Variants in CHD1L observed in about 807,000 individuals in gnomAD.
The protein encoded by CHD1L is chromodomain helicase DNA binding protein 1 like, also known as ATP-dependent chromatin remodeler CHD1L.
CHD1L carries 118 observed loss-of-function variants against 115.9 expected under a neutral mutation model. The ratio of observed to expected loss-of-function variants is 1.02; its 90% CI spans 0.88 to 1.19. The LOEUF (loss-of-function observed/expected upper bound fraction) is 1.19, where lower values mean the gene tolerates loss of function less well. Among genes scored for constraint, CHD1L ranks in the 50% most tolerant of loss-of-function variants. The pLI, the probability that CHD1L is intolerant of heterozygous loss-of-function variation, is 0.00. For missense variants in CHD1L, 1,179 were observed against 1,065.3 expected (o/e 1.11, Z -1.49); for synonymous variants, 411 against 387.1 (o/e 1.06, Z -0.72).
intron 2 of CHD1L, 31 bp downstream of exon 2, chr1:147,252,766 C>A: frequency 2.7e-6 from 4 of 1,500,816 alleles, no homozygotes; most frequent in Non-Finnish European, 3.7e-6. Flanking sequence ...TACTGCTCAC[C>A]GCCACTGCGA....
chr1:147,196,217 G>A, the CHD1L span, among the ~76,000 whole-genome samples: 1 of 152,084 alleles, frequency 6.6e-6, no homozygotes, highest in South Asian at 2.1e-4. Context: ...GAACTCAGAA[G>A]TTCATCACTC....
chr1:147,255,019 TAA>T lies in CHD1L; in HGVS notation c.347+44_347+45del, dbSNP rs782812153. ...CTGAAATTTTATTGTTTATCTTGAT[TAA>T]GATTTTTTTTCTGGATGATGTATAA... On this transcript the variant is annotated intron_variant, in intron 3 of 22. Coordinates refer to ENST00000369258, the MANE Select transcript of CHD1L (RefSeq NM_004284.6). The T allele has an allele frequency of 2.8e-6, 4 of 1,407,156 alleles. No homozygotes were observed. In the Admixed American group the frequency reaches 9.5e-5, roughly 33 times the overall value. 87.2% of individuals were successfully genotyped at this position (1,407,156 alleles called of 1,614,324 possible). A position where few individuals can be genotyped will look rare whatever the true frequency, so the allele number is the denominator to read the frequency against.
At chr1:147,288,202 G>A (rs1026456108) in intron 19 of CHD1L, among the ~76,000 whole-genome samples, 18 of 151,600 alleles carry the variant, frequency 1.2e-4, no homozygotes, top group South Asian at 8.3e-4. Flanking sequence ...GTGCATGCCC[G>A]TAGTTCCAGC....
chr1:147,266,675 C>T (rs956558091), intron 8 of CHD1L, among the ~76,000 whole-genome samples: 2 of 152,044 alleles, frequency 1.3e-5, no homozygotes, highest in Non-Finnish European at 1.5e-5. Context: ...TTAAAAATGG[C>T]CCCAAAGCAC....
chr1:147,202,006 A>C, the CHD1L span, among the ~76,000 whole-genome samples: 1 of 152,320 alleles, frequency 6.6e-6, no homozygotes, highest in African/African-American at 2.4e-5. Flanking sequence ...GACTCTCACA[A>C]AACTCTATGA....
chr1:147,241,008 GTC>G (rs1664816426), upstream of CHD1L, among the ~76,000 whole-genome samples: 2 of 150,854 alleles, frequency 1.3e-5, no homozygotes, highest in South Asian at 4.2e-4. Context: ...TTTTTCTTAA[GTC>G]TCTCATTCCA....
At chr1:147,281,574 G>T (rs920378342) in intron 15 of CHD1L, among the ~76,000 whole-genome samples, 1 of 152,010 alleles carries the variant, frequency 6.6e-6, no homozygotes, top group African/African-American at 2.4e-5. Flanking sequence ...TTTTATCTTC[G>T]AAATTCTTTA....
the CHD1L span, among the ~76,000 whole-genome samples, chr1:147,206,461 C>T: frequency 1.3e-5 from 2 of 152,164 alleles, no homozygotes; most frequent in African/African-American, 4.8e-5. Flanking sequence ...GACACATGCA[C>T]ACGTATGTTT....
the CHD1L span, among the ~76,000 whole-genome samples, chr1:147,191,974 G>C: frequency 6.6e-6 from 1 of 152,040 alleles, no homozygotes; most frequent in African/African-American, 2.4e-5. Context: ...TTTTGGCTTA[G>C]GATTGACTTG....
intron 15 of CHD1L, among the ~76,000 whole-genome samples, chr1:147,283,770 G>T (rs1553963434): frequency 1.3e-5 from 2 of 152,102 alleles, no homozygotes; most frequent in African/African-American, 4.8e-5. Context: ...AGAAAATCCT[G>T]CCTCTTCCAG....
At chr1:147,259,680 A>T (rs1224743644) in intron 5 of CHD1L, 157 bp from the exon 6 acceptor site, 1 of 642,740 alleles carries the variant, frequency 1.6e-6, no homozygotes, top group Non-Finnish European at 2.8e-6. Flanking sequence ...TATTATGCAC[A>T]TGTAGCCTCT....
chr1:147,251,275 A>G (rs1668311608), intron 1 of CHD1L, among the ~76,000 whole-genome samples: 2 of 152,114 alleles, frequency 1.3e-5, no homozygotes, highest in African/African-American at 4.8e-5. Context: ...ATTCCAGGGA[A>G]CTTACTACCC....
intron 1 of CHD1L, among the ~76,000 whole-genome samples, chr1:147,247,606 C>T (rs1402362987): frequency 6.6e-6 from 1 of 152,168 alleles, no homozygotes; most frequent in Non-Finnish European, 1.5e-5. Context: ...AAATAAACCT[C>T]TTTTTATTTT....
chr1:147,263,428 C>CA (rs587643353), intron 6 of CHD1L, among the ~76,000 whole-genome samples: 37,248 of 124,448 alleles, frequency 0.3, 5,994 homozygotes, highest in African/African-American at 0.35. Context: ...GACCCTGTCT[C>CA]AAAAAAAAAA....
At chr1:147,270,409 T>C (rs868916573) in intron 10 of CHD1L, among the ~76,000 whole-genome samples, 1 of 152,146 alleles carries the variant, frequency 6.6e-6, no homozygotes, top group African/African-American at 2.4e-5. Context: ...CTTCTCAGAC[T>C]TTTCAACCCA....
the CHD1L span, chr1:147,223,849 C>A: frequency 6.6e-6 from 2 of 304,788 alleles, no homozygotes. Context: ...TTACGCGGGC[C>A]CACAAGCACA....
chr1:147,199,515 A>G, the CHD1L span, among the ~76,000 whole-genome samples: 693 of 152,326 alleles, frequency 4.5e-3, 5 homozygotes, highest in African/African-American at 0.016. Context: ...TCTCATAACC[A>G]TAATGCAGAC....
chr1:147,193,326 G>A, the CHD1L span, among the ~76,000 whole-genome samples: 1 of 152,080 alleles, frequency 6.6e-6, no homozygotes, highest in Non-Finnish European at 1.5e-5. Context: ...TCTGATGGTA[G>A]TTTGTATTTC....
intron 2 of CHD1L, 57 bp downstream of exon 2, chr1:147,252,792 C>A: frequency 1.5e-6 from 2 of 1,354,186 alleles, no homozygotes; most frequent in South Asian, 2.4e-5. Flanking sequence ...CCTTATAACT[C>A]ATTCTGGAGC....
Sources: gnomAD v4.1 joint callset for allele counts (sites outside exome capture counted in the v4.1 genomes callset) on GRCh38, gnomAD v4.1.1 for gene constraint, MANE v1.5 for transcripts, NCBI Gene and HGNC (gene_info 2026-07-23, HGNC 2026-07-21) for gene names.